The following COL21A1 variants were observed in gnomAD, a reference collection of about 807,000 sequenced individuals.
The protein encoded by COL21A1 is collagen type XXI alpha 1 chain.
A neutral mutation model predicts 137.9 loss-of-function variants in COL21A1; 149 were observed. That is an observed-to-expected ratio of 1.08 (90% CI 0.95 to 1.24). The LOEUF (loss-of-function observed/expected upper bound fraction) is 1.24. COL21A1 is among the 50% of genes most tolerant of loss of function. COL21A1 has a pLI of 0.00. For missense variants in COL21A1, 1,167 were observed against 1,158.4 expected, an observed-to-expected ratio of 1.01 and a Z score of -0.11; for synonymous variants, 456 against 391.5, an observed-to-expected ratio of 1.16 and a Z score of -1.95.
intron 1 of COL21A1, among the ~76,000 whole-genome samples, chr6:56,261,589 C>T (rs1265901665): frequency 1.3e-5 from 2 of 152,136 alleles, no homozygotes; most frequent in Admixed American, 1.3e-4. Flanking sequence ...CTACAGGCAC[C>T]TTGGTCATTG....
intron 1 of COL21A1, among the ~76,000 whole-genome samples, chr6:56,374,848 C>T (rs994279043): frequency 1.3e-5 from 2 of 152,146 alleles, no homozygotes; most frequent in African/African-American, 4.8e-5. Context: ...AAATCCCTCC[C>T]TCCCTCCCAT....
chr6:56,151,065 T>C (rs564259498), intron 10 of COL21A1, among the ~76,000 whole-genome samples: 2 of 61,102 alleles, frequency 3.3e-5, no homozygotes, highest in South Asian at 9.8e-4. Flanking sequence ...CTACTAAAAA[T>C]ACAAAAAAAA....
At chr6:56,339,171 A>G (rs6935271) in intron 1 of COL21A1, among the ~76,000 whole-genome samples, 120,241 of 151,918 alleles carry the variant, frequency 0.79, 47,684 homozygotes, top group East Asian at 0.92. Flanking sequence ...TGGAACCCAG[A>G]CCTGGCTCCA....
At chr6:56,388,526 T>C (rs962657155) in intron 1 of COL21A1, among the ~76,000 whole-genome samples, 2 of 152,192 alleles carry the variant, frequency 1.3e-5, no homozygotes, top group African/African-American at 2.4e-5. Flanking sequence ...CCTCTAGGAG[T>C]TGGCAAGAGT....
At chr6:56,065,698 C>T (rs1234995876) in intron 23 of COL21A1, among the ~76,000 whole-genome samples, 2 of 151,762 alleles carry the variant, frequency 1.3e-5, no homozygotes, top group Non-Finnish European at 2.9e-5. Flanking sequence ...TTGGCTATAG[C>T]AGCAGAGCAG....
At chr6:56,371,443 C>T (rs145568784) in intron 1 of COL21A1, among the ~76,000 whole-genome samples, 1 of 152,216 alleles carries the variant, frequency 6.6e-6, no homozygotes, top group African/African-American at 2.4e-5. Context: ...AGTCAGGTGC[C>T]CAGCCCCACC....
At chr6:56,157,116 G>A (rs1775814279) in intron 9 of COL21A1, among the ~76,000 whole-genome samples, 167 bp from the exon 10 acceptor site, 1 of 149,962 alleles carries the variant, frequency 6.7e-6, no homozygotes, top group African/African-American at 2.4e-5. Context: ...AATAAATAAT[G>A]CATTTTATTA....
chr6:56,323,574 G>A (rs1764927244), intron 1 of COL21A1, among the ~76,000 whole-genome samples: 1 of 152,066 alleles, frequency 6.6e-6, no homozygotes, highest in Admixed American at 6.6e-5. Flanking sequence ...ATTTTTAGTA[G>A]AGACAGGGTT....
At chr6:56,094,922 T>A (rs900998062) in intron 17 of COL21A1, among the ~76,000 whole-genome samples, 1 of 152,118 alleles carries the variant, frequency 6.6e-6, no homozygotes, top group Admixed American at 6.5e-5. Context: ...AATCTCCCCA[T>A]CAGAAGATCT....
intron 1 of COL21A1, among the ~76,000 whole-genome samples, chr6:56,295,182 A>C (rs888138101): frequency 3.9e-5 from 6 of 151,930 alleles, no homozygotes; most frequent in Non-Finnish European, 8.8e-5. Flanking sequence ...CAATTATTCC[A>C]GTAGCATTTG....
chr6:56,388,152 C>T (rs184614295), intron 1 of COL21A1, among the ~76,000 whole-genome samples: 53 of 152,300 alleles, frequency 3.5e-4, no homozygotes, highest in East Asian at 7.7e-4. Flanking sequence ...ATTTCTAAAC[C>T]CACCTTGGGC....
intron 1 of COL21A1, among the ~76,000 whole-genome samples, chr6:56,390,220 T>G (rs1410833112): frequency 6.6e-6 from 1 of 151,974 alleles, no homozygotes; most frequent in African/African-American, 2.4e-5. Context: ...TTCTCTGCTA[T>G]GTGTTTGTTT....
chr6:56,295,839 T>G lies in COL21A1; in HGVS notation c.-39+98132A>C, dbSNP rs548409624. Among the ~76,000 whole-genome samples, 19 of 152,104 alleles carry G rather than the reference T, an allele frequency of 1.2e-4. No homozygotes were observed. The South Asian group carries it at 3.9e-3, about 31-fold the overall frequency. ...CTTATTAGTATTAGGATTTTTTTGT[T>G]GATTCCTTGGGATTTTCCACATAGA... is the stretch of plus-strand genomic sequence containing the variant. On this transcript the variant is annotated intron_variant, in intron 1 of 28. Transcript: ENST00000370819.
chr6:56,239,588 G>A (rs1231171918), intron 1 of COL21A1, among the ~76,000 whole-genome samples: 1 of 151,860 alleles, frequency 6.6e-6, no homozygotes, highest in Non-Finnish European at 1.5e-5. Context: ...GTGTTGGAAA[G>A]ACCAGTGAAA....
chr6:56,166,912 A>G lies in COL21A1; in HGVS notation c.1272T>C (p.Pro424=), dbSNP rs774350098. Residue 424 remains proline, a synonymous_variant, in exon 7 of 30, where the codon CCT becomes CCC. Coordinates refer to ENST00000244728, the MANE Select transcript of COL21A1 (RefSeq NM_030820.4). ...QNNRETACEI[P]GFNGECLNGP... ...AACAATCCCTCCTACTTACAAATCCAGGAATCTCACATGCTGTCTCCCGGT... is the reference window on the plus strand; with the variant it reads ...AACAATCCCTCCTACTTACAAATCCGGGAATCTCACATGCTGTCTCCCGGT... 2 of 1,612,088 alleles carry G rather than the reference A, an allele frequency of 1.2e-6. No individual in the cohort carries two copies. Among genetic ancestry groups the G allele is most frequent in the Admixed American group, 1.7e-5 (1 of 59,884 alleles).
At chr6:56,303,079 A>G (rs554701316) in intron 1 of COL21A1, among the ~76,000 whole-genome samples, 2 of 152,202 alleles carry the variant, frequency 1.3e-5, no homozygotes, top group South Asian at 4.1e-4. Flanking sequence ...GTTCTCTTCC[A>G]TTGGTCTATA....
At chr6:56,151,130 G>A (rs1024641953) in intron 10 of COL21A1, among the ~76,000 whole-genome samples, 2 of 152,140 alleles carry the variant, frequency 1.3e-5, no homozygotes, top group Non-Finnish European at 2.9e-5. Flanking sequence ...GGAGGCTGAG[G>A]CAGGAGAATG....
chr6:56,070,089 A>G (rs1766612394), intron 21 of COL21A1, among the ~76,000 whole-genome samples: 1 of 151,550 alleles, frequency 6.6e-6, no homozygotes, highest in South Asian at 2.1e-4. Context: ...GCATTGACAT[A>G]TTTAGGATAT....
chr6:56,251,902 G>T (rs572568590), upstream of COL21A1, among the ~76,000 whole-genome samples: 87 of 152,290 alleles, frequency 5.7e-4, 1 homozygote, highest in South Asian at 0.017. Flanking sequence ...AGTAACAGAG[G>T]ACTCTGCCAT....
Sources: gnomAD v4.1 joint callset for allele counts (sites outside exome capture counted in the v4.1 genomes callset) on GRCh38, gnomAD v4.1.1 for gene constraint, MANE v1.5 for transcripts, NCBI Gene and HGNC (gene_info 2026-07-23, HGNC 2026-07-21) for gene names.